The following FARS2 variants were observed in gnomAD, a reference collection of about 807,000 sequenced individuals.
The protein encoded by FARS2 is phenylalanyl-tRNA synthetase 2, mitochondrial.
A neutral mutation model predicts 46.4 loss-of-function variants in FARS2; 40 were observed. The observed-to-expected ratio is 0.86, with a 90% CI of 0.67 to 1.12. The LOEUF (loss-of-function observed/expected upper bound fraction) is 1.12, where lower values mean the gene tolerates loss of function less well. FARS2 is among the 50% of genes most tolerant of loss of function. The pLI, the probability that FARS2 is intolerant of heterozygous loss-of-function variation, is 0.00. For synonymous variants in FARS2, 234 were observed against 214.9 expected (o/e 1.09, Z -0.78); for missense variants, 513 against 567.9 (o/e 0.90, Z 0.98).
chr6:5,291,656 C>G lies in FARS2; in HGVS notation c.-22+29996C>G, dbSNP rs193124043. Reference sequence around the variant, plus strand: ...TGTTGGCATATGCCTATAGTCTCAGCTACTAGAGAGGCTAAGACGGGAGTC... The same window carrying G: ...TGTTGGCATATGCCTATAGTCTCAGGTACTAGAGAGGCTAAGACGGGAGTC... On this transcript the variant is annotated intron_variant, in intron 1 of 6. Transcript: ENST00000274680. 1.1e-4 allele frequency among the ~76,000 whole-genome samples: 17 copies of G among 151,918 alleles called. No individual in the cohort carries two copies. In the East Asian group the frequency reaches 3.1e-3, roughly 28 times the overall value.
At chr6:5,741,767 C>T (rs190991135) in intron 6 of FARS2, among the ~76,000 whole-genome samples, 2 of 152,356 alleles carry the variant, frequency 1.3e-5, no homozygotes, top group Admixed American at 1.3e-4. Flanking sequence ...TTTCCTGCCT[C>T]AGCCTCCTGA....
intron 3 of FARS2, among the ~76,000 whole-genome samples, chr6:5,417,334 A>T (rs542953668): frequency 1.3e-5 from 2 of 152,146 alleles, no homozygotes; most frequent in African/African-American, 4.8e-5. Context: ...CTTTTACTTC[A>T]GCCTCCTGAG....
At chr6:5,679,678 T>A (rs978192283) in intron 6 of FARS2, among the ~76,000 whole-genome samples, 1 of 152,196 alleles carries the variant, frequency 6.6e-6, no homozygotes, top group African/African-American at 2.4e-5. Flanking sequence ...TATCAGTGAT[T>A]CATCACCATA....
At chr6:5,476,055 G>A (rs953898180) in intron 4 of FARS2, among the ~76,000 whole-genome samples, 3 of 152,260 alleles carry the variant, frequency 2.0e-5, no homozygotes, top group Admixed American at 6.5e-5. Flanking sequence ...CATGATGGGG[G>A]AAAAGTGTCT....
intron 2 of FARS2, among the ~76,000 whole-genome samples, chr6:5,395,575 A>G (rs6597128): frequency 0.23 from 34,760 of 152,070 alleles, 4,239 homozygotes; most frequent in Middle Eastern, 0.28. Context: ...CTGTACCATT[A>G]CTAGTGAAAT....
intron 6 of FARS2, among the ~76,000 whole-genome samples, chr6:5,667,338 A>G (rs534895735): frequency 1.0e-3 from 157 of 151,622 alleles, no homozygotes; most frequent in African/African-American, 1.3e-3. Context: ...GCCAATATGG[A>G]GAAACCCCAT....
At chr6:5,510,540 C>G (rs950106311) in intron 4 of FARS2, among the ~76,000 whole-genome samples, 4 of 152,234 alleles carry the variant, frequency 2.6e-5, no homozygotes, top group African/African-American at 9.6e-5. Flanking sequence ...GCTTTGCACA[C>G]GGTGGGCACA....
At chr6:5,723,817 T>C (rs1561821910) in intron 6 of FARS2, among the ~76,000 whole-genome samples, 2 of 152,254 alleles carry the variant, frequency 1.3e-5, no homozygotes, top group Non-Finnish European at 2.9e-5. Context: ...GGCTCCTTGC[T>C]TTCTTCCTGA....
At chr6:5,274,624 G>A (rs1766200323) in intron 1 of FARS2, among the ~76,000 whole-genome samples, 2 of 152,172 alleles carry the variant, frequency 1.3e-5, no homozygotes, top group Admixed American at 6.5e-5. Context: ...CCTGGAACTG[G>A]ATGCGTCTAG....
rs556771776 is a variant in FARS2, at chr6:5,303,732, C to T, written c.-22+42072C>T. Among the ~76,000 whole-genome samples the T allele has an allele frequency of 1.6e-3, 243 of 152,096 alleles. 2 individuals are homozygous for T. Among genetic ancestry groups the T allele is most frequent in the South Asian group, 9.3e-3 (45 of 4,820 alleles). The stretch of plus-strand genomic sequence containing the variant: ...CCAATGTGAAAATCTGGGCTTGTGA[C>T]TTTAACCAAATGATTGTACAGCCCC... On this transcript the variant is annotated intron_variant, in intron 1 of 6. Coordinates refer to ENST00000274680, the MANE Select transcript of FARS2 (RefSeq NM_006567.5).
At chr6:5,602,435 A>T (rs9504444) in intron 5 of FARS2, among the ~76,000 whole-genome samples, 41,999 of 151,792 alleles carry the variant, frequency 0.28, 6,521 homozygotes, top group African/African-American at 0.42. Flanking sequence ...GATCACGAGG[A>T]CAAGAGATTG....
intron 1 of FARS2, among the ~76,000 whole-genome samples, chr6:5,277,199 G>GT (rs1318559100): frequency 1.6e-4 from 23 of 147,448 alleles, no homozygotes; most frequent in African/African-American, 4.9e-4. Flanking sequence ...CTGGTTCACA[G>GT]TTTTGTTTTT....
At chr6:5,352,039 C>T (rs1372502456) in intron 1 of FARS2, among the ~76,000 whole-genome samples, 1 of 152,104 alleles carries the variant, frequency 6.6e-6, no homozygotes, top group African/African-American at 2.4e-5. Flanking sequence ...TTGTTCAGCC[C>T]GTGGCCTGTA....
chr6:5,368,891 C>G lies in FARS2; in HGVS notation c.321C>G (p.Thr107=), dbSNP rs1305121851. ...AGCAGTATGTGGGCCGCTTTGGGAC[C>G]CCGTTGTTCTCGGTCTACGACAACC... The part of the protein sequence containing the change: ...FYKQYVGRFG[T]PLFSVYDNLS... The change falls in exon 2 of 7, where the codon ACC becomes ACG. Residue 107 remains threonine, a synonymous_variant. Coordinates refer to ENST00000274680, the MANE Select transcript of FARS2 (RefSeq NM_006567.5). 6.2e-7 allele frequency: 1 copy of G among 1,614,010 alleles called. No homozygotes were observed.
At chr6:5,615,816 T>G (rs1002567994) in intron 6 of FARS2, among the ~76,000 whole-genome samples, 24 of 151,988 alleles carry the variant, frequency 1.6e-4, no homozygotes, top group African/African-American at 5.6e-4. Context: ...TTTCATGCTC[T>G]TAAGGCTTTA....
At chr6:5,470,790 A>G (rs1305913889) in intron 4 of FARS2, among the ~76,000 whole-genome samples, 4 of 152,356 alleles carry the variant, frequency 2.6e-5, no homozygotes, top group Admixed American at 1.3e-4. Flanking sequence ...AGACAAATCA[A>G]TGAGATCCTA....
At chr6:5,438,144 C>G (rs961830456) in intron 4 of FARS2, among the ~76,000 whole-genome samples, 14 of 151,060 alleles carry the variant, frequency 9.3e-5, no homozygotes, top group African/African-American at 3.2e-4. Flanking sequence ...TCATTCTTCA[C>G]TTGTAAATAC....
intron 4 of FARS2, among the ~76,000 whole-genome samples, chr6:5,458,228 C>T (rs1243754969): frequency 6.6e-6 from 1 of 152,222 alleles, no homozygotes; most frequent in Non-Finnish European, 1.5e-5. Flanking sequence ...TGCAGCAAAG[C>T]CTGCCCATGA....
At chr6:5,470,660 C>T (rs569085667) in intron 4 of FARS2, among the ~76,000 whole-genome samples, 20 of 152,202 alleles carry the variant, frequency 1.3e-4, no homozygotes, top group African/African-American at 4.1e-4. Flanking sequence ...TTCTGTATAG[C>T]GCATGGGACT....
Sources: allele counts gnomAD v4.1 joint callset (sites outside exome capture counted in the v4.1 genomes callset), GRCh38; gene constraint gnomAD v4.1.1; transcripts MANE v1.5; gene names NCBI Gene and HGNC (gene_info 2026-07-23, HGNC 2026-07-21).